ARFGEF2: variants seen among roughly 807,000 people sequenced by gnomAD.
ARFGEF2 encodes brefeldin A-inhibited guanine nucleotide-exchange protein 2.
Under a neutral mutation model 219.9 loss-of-function variants are expected in ARFGEF2, and 74 were observed. The observed-to-expected ratio is 0.34, with a 90% confidence interval of 0.28 to 0.41. The LOEUF is 0.41. Ranked by LOEUF, ARFGEF2 falls within the 10% of genes least tolerant of loss-of-function variation. ARFGEF2 has a pLI of 1.00. For missense variants in ARFGEF2, 1,743 were observed against 2,218.3 expected (o/e 0.79, Z 4.30); for synonymous variants, 733 against 799.2 (o/e 0.92, Z 1.40).
intron 23 of ARFGEF2, among the ~76,000 whole-genome samples, chr20:48,997,266 AT>A (rs1392940219): frequency 2.1e-5 from 1 of 47,052 alleles, no homozygotes; most frequent in African/African-American, 2.1e-4. Flanking sequence ...TATCTTATGT[AT>A]TGATTGATTG....
In ARFGEF2 at chr20:49,017,482, A is replaced by G. The variant is rs563556870; in HGVS notation, c.4455-14A>G. 2.5e-5 allele frequency: 40 copies of G among 1,612,766 alleles called. No homozygotes were observed. The highest frequency in any genetic ancestry group is 1.2e-4 in the African/African-American group (9 of 74,796). On this transcript the variant is annotated splice_polypyrimidine_tract_variant and intron_variant, in intron 32 of 38. Coordinates refer to ENST00000371917, the MANE Select transcript of ARFGEF2 (RefSeq NM_006420.3). ...TTCACATTGATTATTTTTTTTCTCTATTTTTTTCTTCAGTTTGCTGACATG... is the reference window on the plus strand; with the variant it reads ...TTCACATTGATTATTTTTTTTCTCTGTTTTTTTCTTCAGTTTGCTGACATG...
intron 14 of ARFGEF2, among the ~76,000 whole-genome samples, chr20:48,977,201 T>A (rs541540775): frequency 1.3e-5 from 2 of 151,538 alleles, no homozygotes; most frequent in South Asian, 2.1e-4. Context: ...CATTGTTTGG[T>A]ACCCACCTAT....
intron 14 of ARFGEF2, among the ~76,000 whole-genome samples, chr20:48,980,929 T>G (rs1483560662): frequency 6.6e-6 from 1 of 152,228 alleles, no homozygotes; most frequent in Non-Finnish European, 1.5e-5. Context: ...CTTGACTCTT[T>G]ATCCAGTTTG....
Position 48,998,436 on chromosome 20 carries a change from C to T in ARFGEF2, c.3363C>T (p.Tyr1121=). The T allele has an allele frequency of 6.2e-7, 1 of 1,613,804 alleles. No homozygotes were observed. Among genetic ancestry groups the T allele is most frequent in the Non-Finnish European group, 8.5e-7 (1 of 1,180,008 alleles). ...FSLQKIVEIS[Y]YNMNRIRLQW... is the part of the protein sequence containing the mutation. ...TGCAGAAGATTGTGGAGATATCATA[C>T]TACAACATGAATCGGATCCGACTAC... The change falls in exon 25 of 39, where the codon TAC becomes TAT. Residue 1121 remains tyrosine, a synonymous_variant. Coordinates refer to ENST00000371917, the MANE Select transcript of ARFGEF2 (RefSeq NM_006420.3).
intron 20 of ARFGEF2, 96 bp downstream of exon 20, chr20:48,989,780 A>G (rs953014993): frequency 4.5e-6 from 7 of 1,571,602 alleles, no homozygotes; most frequent in African/African-American, 2.7e-5. Context: ...TCAGTTAATC[A>G]AGACTCTTAG....
chr20:48,951,702 G>A (rs983108306), intron 4 of ARFGEF2, among the ~76,000 whole-genome samples: 25 of 152,210 alleles, frequency 1.6e-4, no homozygotes, highest in African/African-American at 7.2e-5. Context: ...TAATAACAAT[G>A]TAAATTTCTT....
intron 36 of ARFGEF2, among the ~76,000 whole-genome samples, chr20:49,026,798 C>A (rs1179143666): frequency 6.6e-5 from 10 of 152,156 alleles, no homozygotes; most frequent in African/African-American, 2.2e-4. Flanking sequence ...GTTGGCCTAG[C>A]TGGTCTTGAA....
At chr20:48,968,521 G>T (rs1426181094) in intron 8 of ARFGEF2, among the ~76,000 whole-genome samples, 1 of 151,590 alleles carries the variant, frequency 6.6e-6, no homozygotes, top group Non-Finnish European at 1.5e-5. Flanking sequence ...TCCTGTCTTA[G>T]CCTCCCAAGA....
At chr20:48,979,571 T>C (rs1364061120) in intron 14 of ARFGEF2, among the ~76,000 whole-genome samples, 1 of 152,242 alleles carries the variant, frequency 6.6e-6, no homozygotes, top group Admixed American at 6.5e-5. Flanking sequence ...TCTTTGTACC[T>C]CTGATAGGAT....
At chr20:48,969,122 A>T in intron 8 of ARFGEF2, 25 bp from the exon 9 acceptor site, 1 of 1,612,490 alleles carries the variant, frequency 6.2e-7, no homozygotes, top group Non-Finnish European at 8.5e-7. Context: ...CACCACACCC[A>T]GCTGATGTTT....
chr20:49,030,348 C>T (rs1226242514), intron 37 of ARFGEF2, among the ~76,000 whole-genome samples: 1 of 150,516 alleles, frequency 6.6e-6, no homozygotes, highest in Admixed American at 6.6e-5. Context: ...TTTTTAGAGT[C>T]AGGGTCTTGC....
At chr20:49,016,123 T>C (rs930847228) in intron 30 of ARFGEF2, among the ~76,000 whole-genome samples, 157 bp from the exon 31 acceptor site, 25 of 152,364 alleles carry the variant, frequency 1.6e-4, no homozygotes, top group African/African-American at 6.0e-4. Flanking sequence ...TCCCTCTGTA[T>C]ATCCTCTGTA....
chr20:49,025,274 T>G (rs762514091), intron 35 of ARFGEF2, 39 bp from the exon 36 acceptor site: 8 of 1,584,762 alleles, frequency 5.0e-6, no homozygotes, highest in Non-Finnish European at 6.0e-6. Context: ...GCATTCCATC[T>G]TCTTCATTAG....
intron 26 of ARFGEF2, among the ~76,000 whole-genome samples, chr20:49,008,181 A>G (rs1259476876): frequency 6.6e-6 from 1 of 152,216 alleles, no homozygotes; most frequent in Non-Finnish European, 1.5e-5. Context: ...ATAGTTTTCT[A>G]GAAAAAAACA....
chr20:49,014,079 A>C (rs529730001), intron 30 of ARFGEF2, 119 bp downstream of exon 30: 3 of 1,365,276 alleles, frequency 2.2e-6, no homozygotes, highest in Non-Finnish European at 3.1e-6. Context: ...TGAGCAACTT[A>C]AGGTTTTAAA....
chr20:48,953,162 C>CTT (rs757681809), intron 5 of ARFGEF2, among the ~76,000 whole-genome samples: 2 of 141,720 alleles, frequency 1.4e-5, no homozygotes, highest in South Asian at 2.2e-4. Flanking sequence ...TTCTTTCTTT[C>CTT]TTTTTTTTTT....
Position 48,963,850 on chromosome 20 carries a change from G to A in ARFGEF2, c.859G>A (p.Glu287Lys). The A allele has an allele frequency of 6.2e-7, 1 of 1,614,016 alleles. No individual in the cohort carries two copies. The highest frequency in any genetic ancestry group is 8.5e-7 in the Non-Finnish European group (1 of 1,179,974). The part of the protein sequence containing the change: ...SLSGTDDGAQ[E>K]VVKDILEDVV... ...TGTAGGGACTGATGACGGAGCCCAG[G>A]AGGTGGTGAAGGACATCTTGGAAGA... Residue 287 changes from glutamate to lysine, a missense_variant, in exon 7 of 39, where the codon GAG (glutamate) becomes AAG (lysine). Coordinates refer to ENST00000371917, the MANE Select transcript of ARFGEF2 (RefSeq NM_006420.3).
intron 6 of ARFGEF2, among the ~76,000 whole-genome samples, chr20:48,963,577 G>A (rs998845573): frequency 1.3e-5 from 2 of 152,324 alleles, no homozygotes; most frequent in Non-Finnish European, 1.5e-5. Context: ...ACTTAGGAAG[G>A]AAGAGAGTAG....
chr20:48,996,741 T>TAA (rs57732705), intron 23 of ARFGEF2, among the ~76,000 whole-genome samples: 2 of 107,904 alleles, frequency 1.9e-5, no homozygotes, highest in Non-Finnish European at 4.0e-5. Context: ...AGACTCCGTC[T>TAA]AAAAAAAAAA....
Sources: allele counts gnomAD v4.1 joint callset (sites outside exome capture counted in the v4.1 genomes callset), GRCh38; gene constraint gnomAD v4.1.1; transcripts MANE v1.5; gene names NCBI Gene and HGNC (gene_info 2026-07-23, HGNC 2026-07-21).